BBS9: variants seen among roughly 807,000 people sequenced by gnomAD.
BBS9 encodes the protein Bardet-Biedl syndrome 9.
BBS9 carries 89 observed loss-of-function variants against 117.7 expected under a neutral mutation model. The observed-to-expected ratio is 0.76, with a 90% confidence interval of 0.64 to 0.90. BBS9 has a LOEUF of 0.90. Ranked by LOEUF, BBS9 falls within the 40% of genes least tolerant of loss-of-function variation. The probability of loss-of-function intolerance (pLI) is 0.00; values close to 1 mark genes in which losing one functional copy is unlikely to be tolerated. For missense variants in BBS9, 982 were observed against 1,042.2 expected, an observed-to-expected ratio of 0.94 and a Z score of 0.80; for synonymous variants, 379 against 370.9, an observed-to-expected ratio of 1.02 and a Z score of -0.25.
chr7:33,452,807 A>G (rs1262271857), intron 19 of BBS9, among the ~76,000 whole-genome samples: 3 of 152,210 alleles, frequency 2.0e-5, no homozygotes, highest in Non-Finnish European at 2.9e-5. Context: ...AACAAAAACT[A>G]TAAATATAAA....
intron 4 of BBS9, among the ~76,000 whole-genome samples, chr7:33,173,682 A>G (rs1307422152): frequency 6.6e-6 from 1 of 152,106 alleles, no homozygotes; most frequent in Non-Finnish European, 1.5e-5. Context: ...TCTTTGGTGC[A>G]GTGTTGTTCA....
rs186311927 is a variant in BBS9, at chr7:33,147,063, A to T, written c.112+699A>T. 7.1e-3 allele frequency among the ~76,000 whole-genome samples: 1,088 copies of T among 152,296 alleles called. 16 individuals carry two copies. Among genetic ancestry groups the T allele is most frequent in the African/African-American group, 0.025 (1,028 of 41,560 alleles). ...TGGAAACCATTCATACCATAATGAA[A>T]TTACACTAGCTCTATTTGGTGGTAG... On this transcript the variant is annotated intron_variant, in intron 2 of 22. Coordinates refer to ENST00000242067, the MANE Select transcript of BBS9 (RefSeq NM_198428.3).
At chr7:33,280,911 GT>G (rs150736523) in intron 9 of BBS9, among the ~76,000 whole-genome samples, 2,990 of 79,366 alleles carry the variant, frequency 0.038, 72 homozygotes, top group African/African-American at 0.17. Context: ...TGTCGTTTTT[GT>G]TTTTTTTTTT....
At chr7:33,185,727 G>T (rs1798720899) in intron 5 of BBS9, among the ~76,000 whole-genome samples, 1 of 152,104 alleles carries the variant, frequency 6.6e-6, no homozygotes, top group Non-Finnish European at 1.5e-5. Context: ...TATTTCATAT[G>T]GCATCTTATG....
intron 19 of BBS9, among the ~76,000 whole-genome samples, chr7:33,501,209 C>T (rs570268035): frequency 1.3e-5 from 2 of 152,276 alleles, no homozygotes; most frequent in Admixed American, 6.5e-5. Flanking sequence ...AGATCTGAAT[C>T]TTGATGGGTG....
chr7:33,538,762 T>C (rs1382049442), intron 21 of BBS9, among the ~76,000 whole-genome samples: 2 of 138,428 alleles, frequency 1.4e-5, no homozygotes, highest in East Asian at 4.2e-4. Context: ...TACAATACTT[T>C]ATCTTGACAT....
intron 5 of BBS9, among the ~76,000 whole-genome samples, chr7:33,208,722 G>C (rs937458683): frequency 1.3e-5 from 2 of 152,084 alleles, no homozygotes; most frequent in South Asian, 4.1e-4. Context: ...TATGGATTCA[G>C]TGTGGTTTTA....
intron 9 of BBS9, among the ~76,000 whole-genome samples, chr7:33,330,125 T>G (rs1813716270): frequency 6.6e-6 from 1 of 152,048 alleles, no homozygotes; most frequent in African/African-American, 2.4e-5. Flanking sequence ...GTAATTCTCC[T>G]GCCTCAGCCT....
At chr7:33,321,752 A>G (rs1237702525) in intron 9 of BBS9, among the ~76,000 whole-genome samples, 1 of 151,982 alleles carries the variant, frequency 6.6e-6, no homozygotes, top group African/African-American at 2.4e-5. Context: ...TTTTAGTACT[A>G]TGGTGAATAA....
intron 19 of BBS9, among the ~76,000 whole-genome samples, chr7:33,438,002 C>T (rs1835569205): frequency 1.3e-5 from 2 of 152,180 alleles, no homozygotes; most frequent in African/African-American, 4.8e-5. Flanking sequence ...AACACATAGG[C>T]TCTCTTTCGT....
intron 21 of BBS9, among the ~76,000 whole-genome samples, chr7:33,617,755 G>A (rs772161937): frequency 9.2e-5 from 14 of 152,154 alleles, no homozygotes; most frequent in Non-Finnish European, 1.6e-4. Flanking sequence ...TGAATGAACT[G>A]AAAACTTCAA....
chr7:33,214,872 C>A (rs921019941), intron 5 of BBS9, among the ~76,000 whole-genome samples: 1 of 152,160 alleles, frequency 6.6e-6, no homozygotes, highest in African/African-American at 2.4e-5. Flanking sequence ...ACAAAAGACT[C>A]CAAATAGCCA....
At chr7:33,179,413 C>T (rs140550991) in intron 5 of BBS9, among the ~76,000 whole-genome samples, 16 of 152,276 alleles carry the variant, frequency 1.1e-4, no homozygotes, top group African/African-American at 3.9e-4. Context: ...ACAGCCACTC[C>T]CCATCACTTG....
At chr7:33,474,333 A>G (rs919585096) in intron 19 of BBS9, among the ~76,000 whole-genome samples, 11 of 152,230 alleles carry the variant, frequency 7.2e-5, no homozygotes, top group African/African-American at 2.7e-4. Flanking sequence ...ACTTAAGGCA[A>G]TTAAAAACTT....
intron 2 of BBS9, among the ~76,000 whole-genome samples, chr7:33,149,665 G>C (rs941599915): frequency 2.0e-5 from 3 of 149,950 alleles, no homozygotes; most frequent in Non-Finnish European, 4.5e-5. Flanking sequence ...GAGCAAATAA[G>C]ACTGACTAAT....
intron 21 of BBS9, among the ~76,000 whole-genome samples, chr7:33,565,886 G>A (rs1411810664): frequency 1.6e-5 from 2 of 121,478 alleles, no homozygotes; most frequent in African/African-American, 3.2e-5. Context: ...AAATAAATTA[G>A]GATACCTCTT....
intron 5 of BBS9, among the ~76,000 whole-genome samples, chr7:33,205,901 A>G (rs6950434): frequency 0.83 from 126,907 of 152,060 alleles, 52,969 homozygotes; most frequent in Admixed American, 0.87. Context: ...TTTTGTAAGT[A>G]TTTAATTAAA....
intron 21 of BBS9, among the ~76,000 whole-genome samples, chr7:33,612,245 G>C (rs866518506): frequency 8.6e-5 from 13 of 151,972 alleles, no homozygotes; most frequent in Middle Eastern, 3.4e-3. Flanking sequence ...CTCATCTTTT[G>C]CACTCAGCAG....
intron 15 of BBS9, among the ~76,000 whole-genome samples, chr7:33,357,325 T>C (rs1476916478): frequency 6.6e-6 from 1 of 151,800 alleles, no homozygotes; most frequent in African/African-American, 2.4e-5. Flanking sequence ...TGGACTTCAA[T>C]AGAACTTCAG....
Sources: gnomAD v4.1 joint callset for allele counts (sites outside exome capture counted in the v4.1 genomes callset) on GRCh38, gnomAD v4.1.1 for gene constraint, MANE v1.5 for transcripts, NCBI Gene and HGNC (gene_info 2026-07-23, HGNC 2026-07-21) for gene names.